The following PCDHA2 variants were observed in gnomAD, a reference collection of about 807,000 sequenced individuals.
The protein encoded by PCDHA2 is protocadherin alpha-2.
PCDHA2 carries 58 observed loss-of-function variants against 66.0 expected under a neutral mutation model. The ratio of observed to expected loss-of-function variants is 0.88; its 90% CI spans 0.71 to 1.09. PCDHA2 has a LOEUF of 1.09. PCDHA2 is among the 50% of genes least tolerant of loss of function. The pLI, the probability that PCDHA2 is intolerant of heterozygous loss-of-function variation, is 0.00. For synonymous variants in PCDHA2, 634 were observed against 554.0 expected (o/e 1.14, Z -2.03); for missense variants, 1,267 against 1,242.3 (o/e 1.02, Z -0.30).
chr5:140,875,873 G>C (rs1554168013), intron 1 of PCDHA2: 2 of 1,614,214 alleles, frequency 1.2e-6, no homozygotes, highest in South Asian at 1.1e-5. Context: ...CCGGTGTTCA[G>C]AGAAAGGGAA....
intron 1 of PCDHA2, chr5:140,850,847 G>A: frequency 6.3e-7 from 1 of 1,596,668 alleles, no homozygotes; most frequent in South Asian, 1.1e-5. Context: ...GATCTACAGA[G>A]CGAACGGGAG....
intron 1 of PCDHA2, chr5:140,822,726 T>C (rs970673093): frequency 4.1e-5 from 66 of 1,612,616 alleles, no homozygotes; most frequent in Non-Finnish European, 5.4e-5. Context: ...CATATGAAAT[T>C]AATATTGATG....
intron 1 of PCDHA2, chr5:140,864,741 C>T (rs1031120106): frequency 1.1e-4 from 17 of 151,978 alleles, no homozygotes; most frequent in Admixed American, 3.3e-4. Flanking sequence ...CTTTGAGCAC[C>T]GATTATACTC....
At chr5:140,957,674 T>C (rs2095374808) in intron 1 of PCDHA2, among the ~76,000 whole-genome samples, 1 of 152,084 alleles carries the variant, frequency 6.6e-6, no homozygotes, top group African/African-American at 2.4e-5. Flanking sequence ...AAATTAATTA[T>C]GAAATATCTA....
chr5:140,973,331 TGTAAAGTGACATAGTA>T (rs782725271), intron 1 of PCDHA2, among the ~76,000 whole-genome samples: 2 of 152,218 alleles, frequency 1.3e-5, no homozygotes, highest in Non-Finnish European at 2.9e-5. Context: ...TTACACTCGT[TGTAAAGTGACATAGTA>T]GTGAATTTAT....
chr5:140,814,193 T>A (rs1765456616), intron 1 of PCDHA2: 1 of 152,734 alleles, frequency 6.5e-6, no homozygotes, highest in Non-Finnish European at 1.5e-5. Context: ...TTAATTTTTT[T>A]ATTTTTTTCA....
chr5:140,946,828 G>A (rs246052), intron 1 of PCDHA2, among the ~76,000 whole-genome samples: 84,737 of 150,610 alleles, frequency 0.56, 24,429 homozygotes, highest in African/African-American at 0.69. Context: ...CCAGAGATGG[G>A]TAGGGCAGTA....
intron 1 of PCDHA2, among the ~76,000 whole-genome samples, chr5:140,917,561 C>T (rs1286710001): frequency 6.6e-6 from 1 of 152,214 alleles, no homozygotes; most frequent in Non-Finnish European, 1.5e-5. Flanking sequence ...ACTCTTTAAT[C>T]CATCTCAGGC....
intron 1 of PCDHA2, among the ~76,000 whole-genome samples, chr5:140,832,941 C>G (rs1455354845): frequency 1.3e-5 from 2 of 152,044 alleles, no homozygotes; most frequent in Non-Finnish European, 2.9e-5. Flanking sequence ...AAGAGAGTAA[C>G]TTAAGTGAGT....
Position 140,982,278 on chromosome 5 carries a change from A to G in PCDHA2, c.2448-197A>G, listed in dbSNP as rs997424016. On this transcript the variant is annotated intron_variant, in intron 2 of 3. Transcript: ENST00000526136. ...ATGTGTGTTCCTGGAATAGTATAGC[A>G]GGCAATAAGTAAGTCAGCAATGCTT... 8.2e-6 allele frequency: 8 copies of G among 980,114 alleles called. No homozygotes were observed. In the South Asian group the frequency reaches 1.1e-4, roughly 14 times the overall value. The allele number at this position is 980,114 out of a possible 1,614,324, so 60.7% of individuals were successfully genotyped here.
chr5:140,883,226 G>A, intron 1 of PCDHA2: 2 of 1,613,938 alleles, frequency 1.2e-6, no homozygotes, highest in South Asian at 1.1e-5. Flanking sequence ...TGAAATATCC[G>A]TGGAGGCAGT....
intron 1 of PCDHA2, chr5:140,929,001 G>A (rs782325865): frequency 6.2e-7 from 1 of 1,613,996 alleles, no homozygotes; most frequent in East Asian, 2.2e-5. Context: ...TTTTCTTCGT[G>A]TGTACCAAGT....
chr5:140,869,919 A>G (rs1554163602), intron 1 of PCDHA2: 3 of 1,611,440 alleles, frequency 1.9e-6, no homozygotes. Flanking sequence ...GAGACGAAGG[A>G]GTCAATGGAG....
At chr5:140,949,383 T>C (rs2094373133) in intron 1 of PCDHA2, among the ~76,000 whole-genome samples, 1 of 151,882 alleles carries the variant, frequency 6.6e-6, no homozygotes, top group Non-Finnish European at 1.5e-5. Flanking sequence ...TATCAATTGC[T>C]CAGAGAGCAG....
chr5:140,882,032 T>C (rs2058914811), intron 1 of PCDHA2: 2 of 623,536 alleles, frequency 3.2e-6, no homozygotes, highest in Non-Finnish European at 5.1e-6. Flanking sequence ...ATGGAAAATA[T>C]GAAGACTGAG....
At chr5:140,882,376 C>G in intron 1 of PCDHA2, 1 of 1,614,190 alleles carries the variant, frequency 6.2e-7, no homozygotes, top group South Asian at 1.1e-5. Context: ...ACTCCGTCCC[C>G]GAGGAAGCAA....
intron 1 of PCDHA2, among the ~76,000 whole-genome samples, chr5:140,818,376 C>T (rs2150101046): frequency 1.1e-4 from 17 of 152,280 alleles, no homozygotes; most frequent in African/African-American, 2.4e-4. Flanking sequence ...TAACTTGAAT[C>T]GTGGCATTTT....
intron 1 of PCDHA2, chr5:140,829,603 G>A: frequency 6.2e-7 from 1 of 1,612,072 alleles, no homozygotes; most frequent in Non-Finnish European, 8.5e-7. Context: ...AGCGCGCGTT[G>A]TCGAGCTACA....
intron 1 of PCDHA2, chr5:140,807,631 T>C: frequency 6.2e-7 from 1 of 1,614,190 alleles, no homozygotes; most frequent in Non-Finnish European, 8.5e-7. Flanking sequence ...CCAGGCCGCT[T>C]GACTCTCGGT....
Sources: allele counts gnomAD v4.1 joint callset (sites outside exome capture counted in the v4.1 genomes callset), GRCh38; gene constraint gnomAD v4.1.1; transcripts MANE v1.5; gene names NCBI Gene and HGNC (gene_info 2026-07-23, HGNC 2026-07-21).